FAM135A: variants seen among roughly 807,000 people sequenced by gnomAD.
The protein encoded by FAM135A is family with sequence similarity 135 member A.
FAM135A carries 79 observed loss-of-function variants against 146.8 expected under a neutral mutation model. The ratio of observed to expected loss-of-function variants is 0.54; its 90% CI spans 0.45 to 0.65. FAM135A has a LOEUF of 0.65. Among genes scored for constraint, FAM135A ranks in the 30% least tolerant of loss-of-function variants. The pLI, the probability that FAM135A is intolerant of heterozygous loss-of-function variation, is 0.00. For missense variants in FAM135A, 1,623 were observed against 1,758.2 expected, an observed-to-expected ratio of 0.92 and a Z score of 1.38; for synonymous variants, 562 against 603.6, an observed-to-expected ratio of 0.93 and a Z score of 1.01.
At position 70,526,682 on chromosome 6, in the gene FAM135A, A is replaced by G; in HGVS notation, c.3598A>G (p.Lys1200Glu). 1.2e-6 allele frequency: 2 copies of G among 1,604,816 alleles called. 1 individual carries two copies. The highest frequency in any genetic ancestry group is 2.2e-5 in the South Asian group (2 of 89,308). The change falls in exon 15 of 22, where the codon AAA (lysine) becomes GAA (glutamate). Residue 1200 changes from lysine to glutamate, a missense_variant. By Grantham distance (56) the Lys-to-Glu change is moderately conservative. Coordinates refer to ENST00000418814, the MANE Select transcript of FAM135A (RefSeq NM_001162529.3). ...GATTTCCTGGTATGAAAGTTCACCA[A>G]AACCTCAAATACAAGCGTAAGTAAT... is the stretch of plus-strand genomic sequence containing the variant. ...SSISWYESSP[K>E]PQIQAFLQAK...
At chr6:70,528,236 G>A in intron 15 of FAM135A, 56 bp from the exon 16 acceptor site, 3 of 1,499,288 alleles carry the variant, frequency 2.0e-6, no homozygotes, top group South Asian at 2.8e-5. Flanking sequence ...ATTCAGGAGG[G>A]TTCTAACAAC....
intron 12 of FAM135A, among the ~76,000 whole-genome samples, chr6:70,515,803 C>T (rs1792061080): frequency 6.6e-6 from 1 of 151,616 alleles, no homozygotes; most frequent in Non-Finnish European, 1.5e-5. Context: ...ACAAATGTAC[C>T]ACAGTAACAC....
At chr6:70,540,733 T>C (rs572315349) in intron 20 of FAM135A, among the ~76,000 whole-genome samples, 200 of 152,324 alleles carry the variant, frequency 1.3e-3, no homozygotes, top group Middle Eastern at 3.4e-3. Context: ...TATTACTCTT[T>C]GTTTTTCTAT....
At chr6:70,505,211 G>A (rs1392487545) in intron 12 of FAM135A, among the ~76,000 whole-genome samples, 8 of 151,854 alleles carry the variant, frequency 5.3e-5, no homozygotes. Context: ...CATTCTCTTA[G>A]GTTAACCAAT....
chr6:70,493,507 C>T (rs1786520362), intron 11 of FAM135A, among the ~76,000 whole-genome samples: 1 of 152,060 alleles, frequency 6.6e-6, no homozygotes, highest in African/African-American at 2.4e-5. Flanking sequence ...ACATCAACAA[C>T]CTATAACATA....
At chr6:70,445,362 T>TGAGACCAG (rs369719071) in intron 4 of FAM135A, among the ~76,000 whole-genome samples, 3 of 88,948 alleles carry the variant, frequency 3.4e-5, no homozygotes, top group African/African-American at 2.0e-4. Context: ...GTTTCTGCCG[T>TGAGACCAG]CTTGGTCAGG....
chr6:70,415,774 AG>A, intron 2 of FAM135A, among the ~76,000 whole-genome samples: 1 of 152,290 alleles, frequency 6.6e-6, no homozygotes, highest in East Asian at 1.9e-4. Context: ...GACAGCAGGC[AG>A]AAGACTAGAA....
intron 15 of FAM135A, 98 bp downstream of exon 15, chr6:70,526,796 CACACACAT>C: frequency 6.5e-6 from 5 of 774,776 alleles, no homozygotes; most frequent in African/African-American, 2.1e-5. Context: ...CACACACACA[CACACACAT>C]ATATATATAA....
intron 4 of FAM135A, among the ~76,000 whole-genome samples, chr6:70,443,076 CA>C (rs1774926792): frequency 1.3e-5 from 2 of 152,120 alleles, no homozygotes; most frequent in African/African-American, 2.4e-5. Flanking sequence ...GATGTTAAGG[CA>C]AAGGGTAAAT....
chr6:70,547,806 A>G (rs1799115748), intron 20 of FAM135A, among the ~76,000 whole-genome samples: 2 of 152,214 alleles, frequency 1.3e-5, no homozygotes, highest in South Asian at 4.1e-4. Context: ...AATATGGAAG[A>G]TTTAATCTTT....
rs16869373 is a variant in FAM135A, at chr6:70,559,929, G to A, written c.*8G>A. On this transcript the variant is annotated 3_prime_UTR_variant, in exon 22 of 22. Transcript: ENST00000418814. ...CTCAAATATTTCCAATAGTATAAAA[G>A]CATTGTTAGCGACTGGACAATTACC... 0.16 allele frequency: 261,219 copies of A among 1,598,820 alleles called. 21,708 individuals are homozygous for A. Among genetic ancestry groups the A allele is most frequent in the African/African-American group, 0.19 (14,350 of 74,640 alleles).
At chr6:70,535,637 A>G (rs1434384735) in intron 18 of FAM135A, among the ~76,000 whole-genome samples, 1 of 152,232 alleles carries the variant, frequency 6.6e-6, no homozygotes, top group Non-Finnish European at 1.5e-5. Flanking sequence ...TGGTGAAACC[A>G]GTCCCTGGTG....
intron 12 of FAM135A, among the ~76,000 whole-genome samples, chr6:70,519,535 T>G (rs932337768): frequency 3.3e-5 from 5 of 152,232 alleles, no homozygotes; most frequent in Non-Finnish European, 4.4e-5. Flanking sequence ...AGTCAATTGA[T>G]GCAGCAAACT....
intron 20 of FAM135A, among the ~76,000 whole-genome samples, chr6:70,539,749 A>C (rs1284398120): frequency 6.6e-6 from 1 of 151,940 alleles, no homozygotes; most frequent in Non-Finnish European, 1.5e-5. Flanking sequence ...TAATCCCAGC[A>C]CTTTGGGAGC....
chr6:70,516,053 T>G (rs1278692719), intron 12 of FAM135A, among the ~76,000 whole-genome samples: 1 of 152,220 alleles, frequency 6.6e-6, no homozygotes, highest in Non-Finnish European at 1.5e-5. Flanking sequence ...GCCTGTCTAG[T>G]GCTTGTTCCT....
intron 11 of FAM135A, among the ~76,000 whole-genome samples, chr6:70,501,046 C>T (rs1187126737): frequency 6.6e-6 from 1 of 152,216 alleles, no homozygotes; most frequent in Non-Finnish European, 1.5e-5. Context: ...ATCAGCTGCT[C>T]TCTTTAGAGC....
chr6:70,530,717 C>T (rs1214728906), intron 16 of FAM135A, among the ~76,000 whole-genome samples: 2 of 152,170 alleles, frequency 1.3e-5, no homozygotes, highest in Admixed American at 6.5e-5. Context: ...TGAGCCGCTG[C>T]ACTCTAGCCT....
intron 18 of FAM135A, among the ~76,000 whole-genome samples, chr6:70,535,530 C>G (rs1363161470): frequency 6.6e-6 from 1 of 152,076 alleles, no homozygotes; most frequent in Non-Finnish European, 1.5e-5. Context: ...TGCGAGGGAT[C>G]TAGGCTGTGT....
Position 70,560,414 on chromosome 6 carries a change from C to A in FAM135A, c.*493C>A, listed in dbSNP as rs1330642956. ...ACAATATATTTTTTGAAATCAACTT[C>A]TGTAGTTCTAAAATACAACTTTATC... On this transcript the variant is annotated 3_prime_UTR_variant, in exon 22 of 22. Coordinates refer to ENST00000418814, the MANE Select transcript of FAM135A (RefSeq NM_001162529.3). The A allele has an allele frequency of 1.3e-5, 2 of 153,134 alleles. No homozygotes were observed. Among genetic ancestry groups the A allele is most frequent in the African/African-American group, 4.8e-5 (2 of 41,452 alleles). 9.5% of individuals were successfully genotyped at this position (153,134 alleles called of 1,614,324 possible).
Sources: allele counts gnomAD v4.1 joint callset (sites outside exome capture counted in the v4.1 genomes callset), GRCh38; gene constraint gnomAD v4.1.1; transcripts MANE v1.5; gene names NCBI Gene and HGNC (gene_info 2026-07-23, HGNC 2026-07-21).